The following GLI3 variants were observed in gnomAD, a reference collection of about 807,000 sequenced individuals.
GLI3 encodes the protein transcription activator GLI3.
In GLI3, 20 loss-of-function variants were observed where a neutral mutation model predicts 100.8. The observed-to-expected ratio is 0.20, with a 90% CI of 0.14 to 0.29. GLI3 has a LOEUF of 0.29. GLI3 is among the 10% of genes least tolerant of loss of function. GLI3 has a pLI of 1.00. For synonymous variants in GLI3, 938 were observed against 860.5 expected, an observed-to-expected ratio of 1.09 and a Z score of -1.58; for missense variants, 2,040 against 2,128.5, an observed-to-expected ratio of 0.96 and a Z score of 0.82.
chr7:42,119,426 G>A (rs1319689799), intron 3 of GLI3, among the ~76,000 whole-genome samples: 1 of 152,162 alleles, frequency 6.6e-6, no homozygotes, highest in East Asian at 1.9e-4. Context: ...ATGTGAAACT[G>A]TCAAATTCAG....
intron 2 of GLI3, among the ~76,000 whole-genome samples, chr7:42,209,626 G>A (rs1025177842): frequency 6.6e-6 from 1 of 152,064 alleles, no homozygotes; most frequent in African/African-American, 2.4e-5. Flanking sequence ...GAATATCAAG[G>A]GAGAGAGAGC....
At chr7:42,032,771 TAAAG>T (rs1477579308) in intron 7 of GLI3, among the ~76,000 whole-genome samples, 3 of 151,966 alleles carry the variant, frequency 2.0e-5, no homozygotes, top group Admixed American at 2.0e-4. Flanking sequence ...TATATAAAAA[TAAAG>T]AAAACAATAG....
chr7:42,011,882 G>A (rs1286112936), intron 10 of GLI3, among the ~76,000 whole-genome samples: 1 of 152,156 alleles, frequency 6.6e-6, no homozygotes, highest in Non-Finnish European at 1.5e-5. Context: ...ATGCCACACA[G>A]AACTGCAAAC....
intron 1 of GLI3, among the ~76,000 whole-genome samples, chr7:42,260,695 G>T (rs7801545): frequency 0.29 from 44,119 of 152,074 alleles, 7,221 homozygotes; most frequent in Middle Eastern, 0.44. Context: ...AACAAGAAGG[G>T]CAAGAAGATG....
intron 3 of GLI3, among the ~76,000 whole-genome samples, chr7:42,089,297 T>C (rs846312): frequency 0.26 from 40,291 of 152,164 alleles, 5,739 homozygotes; most frequent in Admixed American, 0.37. Flanking sequence ...ACACTCATTT[T>C]GAGAGTGCAA....
chr7:42,112,837 C>T (rs1785747285), intron 3 of GLI3, among the ~76,000 whole-genome samples: 1 of 152,002 alleles, frequency 6.6e-6, no homozygotes, highest in Admixed American at 6.6e-5. Context: ...GATCATGCAT[C>T]CCAGCCTGCC....
chr7:42,062,085 G>T (rs147083633), intron 4 of GLI3, among the ~76,000 whole-genome samples: 1 of 152,234 alleles, frequency 6.6e-6, no homozygotes, highest in African/African-American at 2.4e-5. Context: ...TGGAAAACCT[G>T]TGCACAGGAC....
At chr7:42,215,483 T>C (rs73311725) in intron 2 of GLI3, among the ~76,000 whole-genome samples, 13,673 of 152,060 alleles carry the variant, frequency 0.09, 2,001 homozygotes, top group African/African-American at 0.31. Flanking sequence ...GAGATTTTCC[T>C]CCCATCATCA....
Position 41,972,764 on chromosome 7 carries a change from C to A in GLI3, c.1813-137G>T. On this transcript the variant is annotated intron_variant, in intron 12 of 14. Coordinates refer to ENST00000395925, the MANE Select transcript of GLI3 (RefSeq NM_000168.6). This position sits in a 1 kb window ranked among gnomAD's most constrained non-coding sequence, Gnocchi z 4.4. ...CACAAGGCTTTGAGGTGTTCAGATA[C>A]CTCTAGGAACTAATAGTTTAATAAG... 1 of 717,082 alleles carries A rather than the reference C, an allele frequency of 1.4e-6. No individual in the cohort carries two copies. 44.4% of individuals were successfully genotyped at this position (717,082 alleles called of 1,614,324 possible).
At chr7:42,182,644 G>A (rs1461327366) in intron 2 of GLI3, among the ~76,000 whole-genome samples, 18 of 51,674 alleles carry the variant, frequency 3.5e-4, no homozygotes, top group South Asian at 7.1e-4. Context: ...ATATGTGTGT[G>A]TATATATATA....
chr7:42,172,603 C>T (rs1410873540), intron 2 of GLI3: 2 of 703,022 alleles, frequency 2.8e-6, no homozygotes, highest in South Asian at 1.5e-5. Context: ...GTGGCTGAGT[C>T]GTTTGTGCAG....
At chr7:42,249,635 G>T (rs991306403) in intron 1 of GLI3, among the ~76,000 whole-genome samples, 36 of 152,144 alleles carry the variant, frequency 2.4e-4, no homozygotes, top group Non-Finnish European at 4.4e-5. Flanking sequence ...GTGCTTGTGA[G>T]ACCGACTGAG....
Position 42,263,153 on chromosome 7 carries a change from C to T in GLI3, c.-43+841G>A, listed in dbSNP as rs561551033. 2.0e-5 allele frequency among the ~76,000 whole-genome samples: 3 copies of T among 152,296 alleles called. No homozygotes were observed. In the South Asian group the frequency reaches 6.2e-4, roughly 32 times the overall value. ...CTTGAGAACAGCAGATCCAGCATAG[C>T]TGGTCTCGTGTACGCCTTCTGAGTG... is the stretch of plus-strand genomic sequence containing the variant. On this transcript the variant is annotated intron_variant, in intron 1 of 2. Transcript: ENST00000678978.
At chr7:42,078,950 T>C (rs1583537654) in intron 3 of GLI3, among the ~76,000 whole-genome samples, 1 of 152,024 alleles carries the variant, frequency 6.6e-6, no homozygotes, top group Non-Finnish European at 1.5e-5. Context: ...AGGATGGTCT[T>C]GATCTCCTGA....
chr7:41,983,635 T>C (rs1016949069), intron 10 of GLI3, among the ~76,000 whole-genome samples: 1 of 152,134 alleles, frequency 6.6e-6, no homozygotes, highest in Non-Finnish European at 1.5e-5. Context: ...ATCCAACACA[T>C]AGACATGCAA....
intron 2 of GLI3, among the ~76,000 whole-genome samples, chr7:42,152,937 A>G (rs1482751853): frequency 2.0e-5 from 3 of 152,204 alleles, no homozygotes; most frequent in Admixed American, 1.3e-4. Context: ...ACCTCTCTCC[A>G]ACCAGCTAGC....
chr7:42,090,243 C>T (rs1192222257), intron 3 of GLI3, among the ~76,000 whole-genome samples: 1 of 152,094 alleles, frequency 6.6e-6, no homozygotes, highest in African/African-American at 2.4e-5. Context: ...AATGTGAAGA[C>T]CTAGGACATC....
chr7:42,093,208 C>G (rs985772140), intron 3 of GLI3, among the ~76,000 whole-genome samples: 2 of 151,762 alleles, frequency 1.3e-5, no homozygotes, highest in African/African-American at 4.8e-5. Flanking sequence ...GGAGAAACCC[C>G]GTCTCTACTA....
chr7:42,146,974 G>A (rs1227094621), intron 3 of GLI3, among the ~76,000 whole-genome samples: 1 of 152,138 alleles, frequency 6.6e-6, no homozygotes, highest in Non-Finnish European at 1.5e-5. Flanking sequence ...TTGAAACAGA[G>A]AAGTTGTAAC....
Sources: gnomAD v4.1 joint callset for allele counts (sites outside exome capture counted in the v4.1 genomes callset) on GRCh38, gnomAD v4.1.1 for gene constraint, Gnocchi (gnomAD v3.1) non-coding constraint, MANE v1.5 for transcripts, NCBI Gene and HGNC (gene_info 2026-07-23, HGNC 2026-07-21) for gene names.